The following F11R variants were observed in gnomAD, a reference collection of about 807,000 sequenced individuals.
The protein encoded by F11R is F11 receptor, also known as junctional adhesion molecule A.
A neutral mutation model predicts 39.3 loss-of-function variants in F11R; 27 were observed. The ratio of observed to expected loss-of-function variants is 0.69; its 90% confidence interval spans 0.51 to 0.95. The LOEUF is 0.95. Ranked by LOEUF, F11R falls within the 40% of genes least tolerant of loss-of-function variation. F11R has a pLI of 0.00. For synonymous variants in F11R, 131 were observed against 144.9 expected, an observed-to-expected ratio of 0.90 and a Z score of 0.69; for missense variants, 335 against 372.7, an observed-to-expected ratio of 0.90 and a Z score of 0.83.
chr1:161,002,870 ATT>A (rs1648571791), intron 1 of F11R, among the ~76,000 whole-genome samples: 1 of 151,422 alleles, frequency 6.6e-6, no homozygotes, highest in South Asian at 2.1e-4. Flanking sequence ...CCAGATAAGT[ATT>A]CTCTCTCCCA....
chr1:161,015,360 T>C (rs1217218448), intron 1 of F11R, among the ~76,000 whole-genome samples: 15 of 147,068 alleles, frequency 1.0e-4, no homozygotes, highest in Non-Finnish European at 1.9e-4. Flanking sequence ...ATTGCTCCAG[T>C]GCACTCCAGC....
chr1:161,005,897 G>A (rs1648774356), intron 1 of F11R, among the ~76,000 whole-genome samples: 1 of 152,088 alleles, frequency 6.6e-6, no homozygotes, highest in Non-Finnish European at 1.5e-5. Context: ...CCAGCACTTT[G>A]GGAGGCTGAG....
intron 1 of F11R, among the ~76,000 whole-genome samples, chr1:161,004,386 C>T (rs1167854656): frequency 1.3e-5 from 2 of 152,044 alleles, no homozygotes; most frequent in Non-Finnish European, 2.9e-5. Context: ...GTGGCGAAAC[C>T]TTATCGCTAC....
At position 161,021,076 on chromosome 1, in the gene F11R, C is replaced by G; in HGVS notation, c.-3G>C. ...TCGACTTGCGCCTTTGTCCCCATCG[C>G]GATCAGGCTCCCGACACAACAGCCG... On this transcript the variant is annotated 5_prime_UTR_variant, in exon 1 of 10. Coordinates refer to ENST00000368026, the MANE Select transcript of F11R (RefSeq NM_016946.6). The G allele has an allele frequency of 6.2e-7, 1 of 1,613,310 alleles. No homozygotes were observed. Among genetic ancestry groups the G allele is most frequent in the Non-Finnish European group, 8.5e-7 (1 of 1,179,574 alleles).
chr1:161,019,593 CAAAAAAA>C (rs1055209744), intron 1 of F11R, among the ~76,000 whole-genome samples: 1 of 47,944 alleles, frequency 2.1e-5, no homozygotes, highest in Non-Finnish European at 4.5e-5. Context: ...AACTCTAACT[CAAAAAAA>C]AAAAAAAAAA....
intron 1 of F11R, among the ~76,000 whole-genome samples, chr1:161,004,981 C>T (rs949651483): frequency 3.3e-5 from 5 of 151,180 alleles, no homozygotes; most frequent in African/African-American, 7.3e-5. Flanking sequence ...GCCAACGTGG[C>T]GAAATCTCGT....
rs953292393 is a variant in F11R, at chr1:160,998,728, A to G, written c.*143T>C. ...GATGGGGCACATAGCTGACATTATT[A>G]AAAACACATCCGAAGAAGTAGGGGG... On this transcript the variant is annotated 3_prime_UTR_variant, in exon 10 of 10. Transcript: ENST00000368026. 3 of 749,176 alleles carry G rather than the reference A, an allele frequency of 4.0e-6. No individual in the cohort carries two copies. Among genetic ancestry groups the G allele is most frequent in the African/African-American group, 3.5e-5 (2 of 56,806 alleles). The allele number at this position is 749,176 out of a possible 1,614,324, so 46.4% of individuals were successfully genotyped here. A position where few individuals can be genotyped will look rare whatever the true frequency, so the allele number is the denominator to read the frequency against.
At chr1:161,014,689 C>T (rs765231741) in intron 1 of F11R, among the ~76,000 whole-genome samples, 1 of 152,120 alleles carries the variant, frequency 6.6e-6, no homozygotes, top group African/African-American at 2.4e-5. Context: ...CCTGTAATCC[C>T]AGCACTTTGG....
At chr1:161,014,593 C>T (rs536113902) in intron 1 of F11R, among the ~76,000 whole-genome samples, 2 of 152,268 alleles carry the variant, frequency 1.3e-5, no homozygotes, top group South Asian at 4.1e-4. Flanking sequence ...TTGCCTATAG[C>T]CTCAGCTATT....
At chr1:161,006,279 C>T (rs945024794) in intron 1 of F11R, among the ~76,000 whole-genome samples, 2 of 152,094 alleles carry the variant, frequency 1.3e-5, no homozygotes, top group African/African-American at 2.4e-5. Flanking sequence ...TTTCCACGGG[C>T]GTGGATCCCA....
In F11R at chr1:160,999,949, A is replaced by C; in HGVS notation, c.621T>G (p.Thr207=). 2 of 1,614,208 alleles carry C rather than the reference A, an allele frequency of 1.2e-6. No individual in the cohort carries two copies. Among genetic ancestry groups the C allele is most frequent in the Non-Finnish European group, 1.7e-6 (2 of 1,180,042 alleles). The change falls in exon 6 of 10, where the codon ACT becomes ACG. Residue 207 remains threonine, a synonymous_variant. Transcript: ENST00000368026. ...LVFDPLSASD[T]GEYSCEARNG... is the part of the protein sequence containing the mutation. ...TCCGTGCCTCACAGCTGTATTCTCC[A>C]GTATCAGAGGCTGACAGGGGATCAA... is the stretch of plus-strand genomic sequence containing the variant.
intron 1 of F11R, among the ~76,000 whole-genome samples, chr1:161,013,876 C>A (rs1323303149): frequency 6.6e-6 from 1 of 152,226 alleles, no homozygotes; most frequent in Admixed American, 6.5e-5. Flanking sequence ...GAAGGTCGAG[C>A]CTTCCAGCGC....
chr1:160,999,397 C>T lies in F11R; in HGVS notation c.814G>A (p.Gly272Arg), dbSNP rs1348162102. 6.2e-7 allele frequency: 1 copy of T among 1,614,244 alleles called. No individual in the cohort carries two copies. The highest frequency in any genetic ancestry group is 2.2e-5 in the East Asian group (1 of 44,882). ...ACCCCAGGACAGCACCTCACTCACC[C>T]TTTCTTTGTTCCTGAAAGAGAAGAA... The part of the protein sequence containing the change: ...SRGHFDRTKK[G>R]TSSKKVIYSQ... Residue 272 changes from glycine to arginine, a missense_variant and splice_region_variant, in exon 8 of 10, where the codon GGG becomes AGG. Gly to Arg is a moderately radical substitution (Grantham distance 125). Coordinates refer to ENST00000368026, the MANE Select transcript of F11R (RefSeq NM_016946.6).
chr1:161,013,969 G>A (rs1649306479), intron 1 of F11R, among the ~76,000 whole-genome samples: 2 of 152,214 alleles, frequency 1.3e-5, no homozygotes, highest in South Asian at 4.1e-4. Context: ...TGAAACAAAT[G>A]ACGCAGCCGG....
intron 1 of F11R, among the ~76,000 whole-genome samples, chr1:161,004,071 G>T (rs929730905): frequency 1.3e-5 from 2 of 151,930 alleles, no homozygotes; most frequent in Non-Finnish European, 2.9e-5. Flanking sequence ...GCAATTTTTT[G>T]TATTTTTAGT....
chr1:161,013,292 G>A (rs1325298355), intron 1 of F11R, among the ~76,000 whole-genome samples: 1 of 152,174 alleles, frequency 6.6e-6, no homozygotes, highest in African/African-American at 2.4e-5. Context: ...CCCTGCAATA[G>A]GAAGGATGAG....
At position 160,999,415 on chromosome 1, in the gene F11R, G is replaced by A; in HGVS notation, c.803-7C>T. The A allele has an allele frequency of 6.2e-7, 1 of 1,614,226 alleles. No individual in the cohort carries two copies. Among genetic ancestry groups the A allele is most frequent in the Non-Finnish European group, 8.5e-7 (1 of 1,180,050 alleles). On this transcript the variant is annotated splice_polypyrimidine_tract_variant and splice_region_variant and intron_variant, in intron 7 of 9. Transcript: ENST00000368026. ...ACTCACCCTTTCTTTGTTCCTGAAAGAGAAGAAATGGGATCATGAGTGTCA... is the reference window on the plus strand; with the variant it reads ...ACTCACCCTTTCTTTGTTCCTGAAAAAGAAGAAATGGGATCATGAGTGTCA...
rs1186390854 is a variant in F11R, at chr1:160,997,947, C to A, written c.*924G>T. 6.7e-6 allele frequency: 1 copy of A among 150,054 alleles called. No homozygotes were observed. Among genetic ancestry groups the A allele is most frequent in the Non-Finnish European group, 1.5e-5 (1 of 68,032 alleles). 9.3% of individuals were successfully genotyped at this position (150,054 alleles called of 1,614,324 possible). A position where few individuals can be genotyped will look rare whatever the true frequency, so the allele number is the denominator to read the frequency against. Reference sequence around the variant, plus strand: ...AGGGAAGGGTGATGGCCTAAGCCACCAGCTCCAGCTTTCTTTTCTTTCTTT... The same window carrying A: ...AGGGAAGGGTGATGGCCTAAGCCACAAGCTCCAGCTTTCTTTTCTTTCTTT... On this transcript the variant is annotated 3_prime_UTR_variant, in exon 10 of 10. Coordinates refer to ENST00000368026, the MANE Select transcript of F11R (RefSeq NM_016946.6).
chr1:161,018,888 G>T (rs1283326739), intron 1 of F11R, among the ~76,000 whole-genome samples: 1 of 152,132 alleles, frequency 6.6e-6, no homozygotes, highest in African/African-American at 2.4e-5. Context: ...ACTGTGGCTT[G>T]GTTCCCTGAA....
Sources: gnomAD v4.1 joint callset for allele counts (sites outside exome capture counted in the v4.1 genomes callset) on GRCh38, gnomAD v4.1.1 for gene constraint, MANE v1.5 for transcripts, NCBI Gene and HGNC (gene_info 2026-07-23, HGNC 2026-07-21) for gene names.